STAU1: variants seen among roughly 807,000 people sequenced by gnomAD.
The protein encoded by STAU1 is double-stranded RNA-binding protein Staufen homolog 1.
STAU1 carries 13 observed loss-of-function variants against 62.9 expected under a neutral mutation model. That is an observed-to-expected ratio of 0.21 (90% CI 0.13 to 0.33). The LOEUF (loss-of-function observed/expected upper bound fraction) is 0.33, where lower values mean the gene tolerates loss of function less well. STAU1 is among the 10% of genes least tolerant of loss of function. The probability of loss-of-function intolerance (pLI) is 1.00; values close to 1 mark genes in which losing one functional copy is unlikely to be tolerated. For missense variants in STAU1, 571 were observed against 712.1 expected, an observed-to-expected ratio of 0.80 and a Z score of 2.25; for synonymous variants, 269 against 265.1, an observed-to-expected ratio of 1.01 and a Z score of -0.14.
intron 3 of STAU1, among the ~76,000 whole-genome samples, chr20:49,162,986 G>A (rs1352442389): frequency 1.3e-5 from 2 of 151,772 alleles, no homozygotes; most frequent in African/African-American, 4.8e-5. Context: ...GAGGTCAAGA[G>A]ATTGAAACCA....
chr20:49,118,432 AAAG>A, intron 9 of STAU1, 24 bp from the exon 10 acceptor site: 1 of 1,564,318 alleles, frequency 6.4e-7, no homozygotes, highest in Non-Finnish European at 8.7e-7. Flanking sequence ...AAGAAAAAAA[AAAG>A]GCCATGAGCA....
the STAU1 span, among the ~76,000 whole-genome samples, chr20:49,211,106 T>C: frequency 3.3e-5 from 5 of 152,200 alleles, no homozygotes; most frequent in Admixed American, 3.3e-4. Flanking sequence ...TTCTACTTAG[T>C]ATAATGTTTT....
chr20:49,214,869 T>C, the STAU1 span, among the ~76,000 whole-genome samples: 1 of 152,236 alleles, frequency 6.6e-6, no homozygotes, highest in South Asian at 2.1e-4. Context: ...CATGAATTTG[T>C]GGGGGACACA....
chr20:49,174,486 G>A (rs148425246), intron 1 of STAU1, among the ~76,000 whole-genome samples: 1,798 of 152,206 alleles, frequency 0.012, 40 homozygotes, highest in African/African-American at 0.04. Flanking sequence ...TTGGGAGGCC[G>A]AGGCGGGCAG....
At chr20:49,200,164 C>T in the STAU1 span, among the ~76,000 whole-genome samples, 2 of 152,190 alleles carry the variant, frequency 1.3e-5, no homozygotes, top group Admixed American at 1.3e-4. Context: ...AACTTATATT[C>T]ACACTAAAAT....
At chr20:49,210,094 C>T in the STAU1 span, among the ~76,000 whole-genome samples, 1 of 151,982 alleles carries the variant, frequency 6.6e-6, no homozygotes, top group Non-Finnish European at 1.5e-5. Context: ...AAATTCGCTA[C>T]GCTTAGTTTT....
At chr20:49,169,522 T>C (rs1379560323) in intron 2 of STAU1, among the ~76,000 whole-genome samples, 1 of 152,226 alleles carries the variant, frequency 6.6e-6, no homozygotes, top group Admixed American at 6.5e-5. Flanking sequence ...TCTTTTCCTT[T>C]AAACCTGTCT....
chr20:49,118,196 T>A (rs1568816313), intron 10 of STAU1, 100 bp from the exon 11 acceptor site: 5 of 1,399,798 alleles, frequency 3.6e-6, no homozygotes, highest in Non-Finnish European at 5.0e-6. Context: ...TTGGCACGCA[T>A]GGCAGCGCAG....
At chr20:49,153,402 TA>T (rs34795501) in intron 4 of STAU1, among the ~76,000 whole-genome samples, 141 of 129,784 alleles carry the variant, frequency 1.1e-3, no homozygotes, top group Admixed American at 1.5e-3. Flanking sequence ...CTCAATGAAT[TA>T]AAAAAAAAAA....
chr20:49,147,844 T>C (rs919827457), intron 5 of STAU1, among the ~76,000 whole-genome samples: 7 of 152,300 alleles, frequency 4.6e-5, no homozygotes, highest in South Asian at 2.1e-4. Context: ...GATATACACA[T>C]CAGTGAAAAA....
intron 3 of STAU1, among the ~76,000 whole-genome samples, chr20:49,163,777 T>C (rs1457783194): frequency 2.6e-5 from 4 of 152,092 alleles, no homozygotes; most frequent in Admixed American, 1.3e-4. Context: ...TTCTATACTT[T>C]TTGTTTTGAG....
At chr20:49,198,078 C>A in the STAU1 span, among the ~76,000 whole-genome samples, 21 of 152,210 alleles carry the variant, frequency 1.4e-4, no homozygotes, top group African/African-American at 4.3e-4. Context: ...AAGATCTGTA[C>A]AGACATTTTG....
intron 6 of STAU1, chr20:49,134,934 A>T (rs2092841466): frequency 1.9e-6 from 3 of 1,598,202 alleles, no homozygotes; most frequent in Non-Finnish European, 2.6e-6. Flanking sequence ...TTCGACCCTA[A>T]GAATGATAAA....
chr20:49,125,214 A>AAAAAAAAAAAAAAAAAAAC (rs1568832413), intron 6 of STAU1, among the ~76,000 whole-genome samples: 11 of 146,146 alleles, frequency 7.5e-5, no homozygotes, highest in African/African-American at 2.8e-4. Flanking sequence ...AAAAAAAAAA[A>AAAAAAAAAAAAAAAAAAAC]AAAAAAAAAA....
chr20:49,126,588 C>CAAAAAAAACAAAAAAAAAACAA (rs2092624466), intron 6 of STAU1, among the ~76,000 whole-genome samples: 2 of 56,348 alleles, frequency 3.5e-5, no homozygotes, highest in Admixed American at 3.7e-4. Flanking sequence ...AAAAAAAAAA[C>CAAAAAAAACAAAAAAAAAACAA]AAAAAAAAAA....
At chr20:49,175,213 C>G (rs1168750559) in intron 1 of STAU1, among the ~76,000 whole-genome samples, 1 of 151,880 alleles carries the variant, frequency 6.6e-6, no homozygotes, top group Non-Finnish European at 1.5e-5. Context: ...GGCCTGTAAT[C>G]CCAGCTACTT....
intron 6 of STAU1, among the ~76,000 whole-genome samples, chr20:49,131,953 G>C (rs1417988087): frequency 1.3e-5 from 2 of 151,892 alleles, no homozygotes; most frequent in Non-Finnish European, 2.9e-5. Context: ...GTAACTTTTA[G>C]ATAGATTTGA....
At chr20:49,157,168 C>T (rs570415689) in intron 3 of STAU1, among the ~76,000 whole-genome samples, 6 of 152,242 alleles carry the variant, frequency 3.9e-5, no homozygotes, top group South Asian at 2.1e-4. Flanking sequence ...TGACCCACCA[C>T]GTCCAGCCTC....
chr20:49,117,292 T>G lies in STAU1; in HGVS notation c.1510-44A>C. ...CTGAGGCTAGGTAGGGAACAGCAAG[T>G]ATGAGTGGGCTGGAGGGCTGCAGCT... On this transcript the variant is annotated intron_variant, in intron 11 of 13. Coordinates refer to ENST00000371856, the MANE Select transcript of STAU1 (RefSeq NM_017453.4). This position sits in a 1 kb window ranked among gnomAD's most constrained non-coding sequence, Gnocchi z 4.6. The G allele has an allele frequency of 6.2e-7, 1 of 1,609,086 alleles. No individual in the cohort carries two copies. The highest frequency in any genetic ancestry group is 8.5e-7 in the Non-Finnish European group (1 of 1,177,008).
Sources: allele counts gnomAD v4.1 joint callset (sites outside exome capture counted in the v4.1 genomes callset), GRCh38; gene constraint gnomAD v4.1.1; non-coding constraint Gnocchi (gnomAD v3.1); transcripts MANE v1.5; gene names NCBI Gene and HGNC (gene_info 2026-07-23, HGNC 2026-07-21).